Variants in PRDM5 observed in about 807,000 individuals in gnomAD.
PRDM5 encodes PR/SET domain 5.
A neutral mutation model predicts 81.2 loss-of-function variants in PRDM5; 56 were observed. The observed-to-expected ratio is 0.69, with a 90% CI of 0.56 to 0.86. The LOEUF (loss-of-function observed/expected upper bound fraction) is 0.86, where lower values mean the gene tolerates loss of function less well. Among genes scored for constraint, PRDM5 ranks in the 40% least tolerant of loss-of-function variants. PRDM5 has a pLI of 0.00. For missense variants in PRDM5, 697 were observed against 770.1 expected, an observed-to-expected ratio of 0.91 and a Z score of 1.12; for synonymous variants, 267 against 256.4, an observed-to-expected ratio of 1.04 and a Z score of -0.39.
chr4:120,746,312 C>T (rs1185854274), intron 14 of PRDM5, among the ~76,000 whole-genome samples: 1 of 147,924 alleles, frequency 6.8e-6, no homozygotes, highest in African/African-American at 2.5e-5. Context: ...AAATGTTAGA[C>T]CTAAAACCAT....
chr4:120,703,338 G>A (rs757027740), intron 15 of PRDM5, among the ~76,000 whole-genome samples: 11 of 151,878 alleles, frequency 7.2e-5, no homozygotes, highest in Non-Finnish European at 7.4e-5. Context: ...AGTGTGTGCC[G>A]CCATGCCAGC....
At chr4:120,697,490 AT>A (rs1734657903) in intron 15 of PRDM5, among the ~76,000 whole-genome samples, 1 of 151,722 alleles carries the variant, frequency 6.6e-6, no homozygotes, top group Admixed American at 6.6e-5. Context: ...ATTTAGAAAT[AT>A]TTTTCAGCTG....
At chr4:120,699,686 A>C (rs7700189) in intron 15 of PRDM5, among the ~76,000 whole-genome samples, 26,255 of 152,244 alleles carry the variant, frequency 0.17, 2,588 homozygotes, top group Non-Finnish European at 0.24. Context: ...ACATACAAAA[A>C]GTACTTAGGA....
chr4:120,767,570 A>G (rs773934449), intron 13 of PRDM5, among the ~76,000 whole-genome samples: 16 of 152,254 alleles, frequency 1.1e-4, no homozygotes, highest in Non-Finnish European at 1.6e-4. Flanking sequence ...ATCTCATCAC[A>G]TTGCAGTATA....
At chr4:120,898,164 C>T (rs1764860473) in intron 2 of PRDM5, among the ~76,000 whole-genome samples, 1 of 152,144 alleles carries the variant, frequency 6.6e-6, no homozygotes, top group Non-Finnish European at 1.5e-5. Flanking sequence ...TCAGTTGTGG[C>T]AAGGCTCAGT....
intron 1 of PRDM5, among the ~76,000 whole-genome samples, chr4:120,913,065 T>A (rs1476128093): frequency 6.6e-6 from 1 of 152,200 alleles, no homozygotes; most frequent in Non-Finnish European, 1.5e-5. Context: ...CCTCCCTATA[T>A]CCATTCCCAT....
intron 3 of PRDM5, among the ~76,000 whole-genome samples, chr4:120,849,982 G>A (rs1759077095): frequency 6.6e-6 from 1 of 151,954 alleles, no homozygotes; most frequent in Admixed American, 6.6e-5. Context: ...TTGCTTACTA[G>A]ATCCGTCTTT....
intron 3 of PRDM5, among the ~76,000 whole-genome samples, chr4:120,835,617 A>G (rs1757255282): frequency 6.6e-6 from 1 of 152,080 alleles, no homozygotes; most frequent in Non-Finnish European, 1.5e-5. Flanking sequence ...GCCACCATCC[A>G]TGTAGGACGT....
intron 14 of PRDM5, among the ~76,000 whole-genome samples, chr4:120,741,414 G>T (rs538255362): frequency 1.3e-4 from 20 of 151,762 alleles, no homozygotes; most frequent in African/African-American, 3.9e-4. Flanking sequence ...TGGTTATCAG[G>T]GGGGAGGAGC....
At position 120,710,407 on chromosome 4, in the gene PRDM5, G is replaced by C; in HGVS notation, c.1630C>G (p.Pro544Ala). ...MHIRTHTREK[P>A]YKCSECSKAF... ...TTGCTGCACTCTGAGCACTTGTACG[G>C]CTTCTCCTGCAGTCAACAAAAAGAG... The change falls in exon 15 of 16, where the codon CCG becomes GCG. Residue 544 changes from proline to alanine, a missense_variant. This residue lies in a region of PRDM5 where 86 missense variants were observed against 135.2 expected (regional missense o/e 0.64). Transcript: ENST00000264808. 1 of 1,613,894 alleles carries C rather than the reference G, an allele frequency of 6.2e-7. No individual in the cohort carries two copies. The highest frequency in any genetic ancestry group is 8.5e-7 in the Non-Finnish European group (1 of 1,179,930).
intron 10 of PRDM5, among the ~76,000 whole-genome samples, chr4:120,793,522 T>C (rs1160221344): frequency 6.6e-6 from 1 of 152,362 alleles, no homozygotes; most frequent in East Asian, 1.9e-4. Flanking sequence ...TCCATGAAAC[T>C]GGTCCCTGGC....
At chr4:120,724,336 G>T (rs1308350338) in intron 14 of PRDM5, among the ~76,000 whole-genome samples, 2 of 152,158 alleles carry the variant, frequency 1.3e-5, no homozygotes, top group Non-Finnish European at 2.9e-5. Flanking sequence ...GAAAATCCTG[G>T]CGGGTGGAGT....
chr4:120,853,803 A>T (rs1024124770), intron 2 of PRDM5, among the ~76,000 whole-genome samples: 1 of 152,130 alleles, frequency 6.6e-6, no homozygotes, highest in African/African-American at 2.4e-5. Flanking sequence ...TTCTGGTCAA[A>T]ATTATTTCGG....
intron 2 of PRDM5, among the ~76,000 whole-genome samples, chr4:120,855,198 T>C (rs1258499251): frequency 2.0e-5 from 3 of 152,318 alleles, no homozygotes; most frequent in Admixed American, 1.3e-4. Context: ...GTTCCTTATA[T>C]GTGACATACT....
intron 3 of PRDM5, among the ~76,000 whole-genome samples, chr4:120,844,052 C>T (rs1178657475): frequency 6.6e-6 from 1 of 152,108 alleles, no homozygotes; most frequent in East Asian, 1.9e-4. Context: ...GCCGCTGCGG[C>T]CACTGTGGGG....
intron 2 of PRDM5, among the ~76,000 whole-genome samples, chr4:120,901,570 C>T (rs887893227): frequency 6.6e-6 from 1 of 152,150 alleles, no homozygotes; most frequent in Non-Finnish European, 1.5e-5. Context: ...GGAACCCTTA[C>T]GAGGCCACAG....
intron 10 of PRDM5, among the ~76,000 whole-genome samples, chr4:120,786,899 T>C (rs1436963161): frequency 6.6e-6 from 1 of 152,220 alleles, no homozygotes; most frequent in African/African-American, 2.4e-5. Flanking sequence ...ATTCATCGTT[T>C]TATTTTATGC....
At chr4:120,915,037 TG>T (rs1392942874) in intron 1 of PRDM5, among the ~76,000 whole-genome samples, 1 of 152,156 alleles carries the variant, frequency 6.6e-6, no homozygotes, top group African/African-American at 2.4e-5. Flanking sequence ...AACTCCATAT[TG>T]GATTTAATAT....
chr4:120,918,973 G>A (rs562710172), intron 1 of PRDM5, among the ~76,000 whole-genome samples: 1 of 152,324 alleles, frequency 6.6e-6, no homozygotes, highest in East Asian at 1.9e-4. Flanking sequence ...CCACAGGCTG[G>A]GAAGCATGCC....
Sources: allele counts gnomAD v4.1 joint callset (sites outside exome capture counted in the v4.1 genomes callset), GRCh38; gene constraint gnomAD v4.1.1; regional missense constraint gnomAD v4.1.1; transcripts MANE v1.5; gene names NCBI Gene and HGNC (gene_info 2026-07-23, HGNC 2026-07-21).